NOL4: variants seen among roughly 807,000 people sequenced by gnomAD.
NOL4 encodes the protein nucleolar protein 4.
Under a neutral mutation model 75.9 loss-of-function variants are expected in NOL4, and 17 were observed. That is an observed-to-expected ratio of 0.22 (90% CI 0.15 to 0.34). The LOEUF (loss-of-function observed/expected upper bound fraction) is 0.34, where lower values mean the gene tolerates loss of function less well. Among genes scored for constraint, NOL4 ranks in the 10% least tolerant of loss-of-function variants. The pLI, the probability that NOL4 is intolerant of heterozygous loss-of-function variation, is 1.00. For missense variants in NOL4, 614 were observed against 793.5 expected, an observed-to-expected ratio of 0.77 and a Z score of 2.72; for synonymous variants, 292 against 289.9, an observed-to-expected ratio of 1.01 and a Z score of -0.07.
chr18:33,941,950 T>G (rs564866879), intron 9 of NOL4, among the ~76,000 whole-genome samples: 1 of 152,058 alleles, frequency 6.6e-6, no homozygotes, highest in South Asian at 2.1e-4. Flanking sequence ...CATTCTAAAT[T>G]GACATTTTCA....
At chr18:34,045,514 T>G (rs532642851) in intron 5 of NOL4, among the ~76,000 whole-genome samples, 1 of 152,180 alleles carries the variant, frequency 6.6e-6, no homozygotes, top group South Asian at 2.1e-4. Flanking sequence ...AAAGAACATA[T>G]TCCAGTCTGA....
intron 5 of NOL4, among the ~76,000 whole-genome samples, chr18:34,060,144 G>T (rs11874389): frequency 2.6e-5 from 4 of 152,154 alleles, no homozygotes; most frequent in African/African-American, 9.7e-5. Flanking sequence ...TTAGCAATAA[G>T]TAATTATAAT....
At chr18:33,907,901 A>C (rs754836864) in intron 9 of NOL4, among the ~76,000 whole-genome samples, 2 of 152,210 alleles carry the variant, frequency 1.3e-5, no homozygotes, top group Non-Finnish European at 2.9e-5. Context: ...ATAGGTGTTA[A>C]TGCTGTTTTG....
chr18:34,103,680 A>T (rs1372476703), intron 4 of NOL4, among the ~76,000 whole-genome samples: 13 of 152,054 alleles, frequency 8.5e-5, no homozygotes. Context: ...GCCATGCAAA[A>T]TAGCCTTAGT....
chr18:34,004,495 T>C (rs1386494159), intron 6 of NOL4, among the ~76,000 whole-genome samples: 1 of 152,124 alleles, frequency 6.6e-6, no homozygotes, highest in Non-Finnish European at 1.5e-5. Flanking sequence ...TTTAAAGATA[T>C]TTTTTGTTTT....
intron 5 of NOL4, among the ~76,000 whole-genome samples, chr18:34,088,848 C>A (rs2078370722): frequency 6.6e-6 from 1 of 151,940 alleles, no homozygotes; most frequent in Non-Finnish European, 1.5e-5. Flanking sequence ...ATATTATAAA[C>A]CTAAAAAAGG....
intron 6 of NOL4, among the ~76,000 whole-genome samples, chr18:33,992,638 G>T (rs1337168196): frequency 6.6e-6 from 1 of 151,970 alleles, no homozygotes; most frequent in Non-Finnish European, 1.5e-5. Context: ...CAGTAAGAGG[G>T]CTATCTACCC....
At chr18:33,977,349 C>A (rs1438359642) in intron 6 of NOL4, among the ~76,000 whole-genome samples, 1 of 152,150 alleles carries the variant, frequency 6.6e-6, no homozygotes, top group Non-Finnish European at 1.5e-5. Flanking sequence ...TGGGAGGCAA[C>A]TGAATCATGG....
intron 1 of NOL4, among the ~76,000 whole-genome samples, chr18:34,188,552 A>G (rs2034667803): frequency 6.6e-6 from 1 of 152,200 alleles, no homozygotes; most frequent in East Asian, 1.9e-4. Context: ...ATATTAGCCT[A>G]CAGTTGGGCA....
At chr18:34,218,455 A>G (rs1430699742) in intron 1 of NOL4, among the ~76,000 whole-genome samples, 11 of 152,246 alleles carry the variant, frequency 7.2e-5, no homozygotes, top group Admixed American at 7.2e-4. Context: ...GAACAGGGTC[A>G]TATTTCCTCT....
At chr18:34,205,743 C>A (rs2036079254) in intron 1 of NOL4, among the ~76,000 whole-genome samples, 1 of 152,096 alleles carries the variant, frequency 6.6e-6, no homozygotes, top group East Asian at 1.9e-4. Context: ...ATAACCAAGA[C>A]CCTATCCCCT....
At chr18:34,203,646 A>G (rs2035893823) in intron 1 of NOL4, among the ~76,000 whole-genome samples, 1 of 150,700 alleles carries the variant, frequency 6.6e-6, no homozygotes, top group Non-Finnish European at 1.5e-5. Context: ...GTGGGATTAG[A>G]GAGCTGGAAC....
intron 8 of NOL4, among the ~76,000 whole-genome samples, chr18:33,950,135 T>C (rs1426412856): frequency 6.6e-6 from 1 of 151,958 alleles, no homozygotes; most frequent in African/African-American, 2.4e-5. Flanking sequence ...ATAATTAATA[T>C]CACTACCTAT....
At chr18:34,142,419 T>C (rs2081210053) in intron 1 of NOL4, among the ~76,000 whole-genome samples, 2 of 152,110 alleles carry the variant, frequency 1.3e-5, no homozygotes, top group Admixed American at 1.3e-4. Context: ...TAGCAAAGAA[T>C]TGGAACCAAC....
chr18:33,893,509 G>T (rs567466496), intron 9 of NOL4, among the ~76,000 whole-genome samples: 51 of 152,178 alleles, frequency 3.4e-4, no homozygotes, highest in African/African-American at 1.2e-3. Flanking sequence ...AAGTTTCATT[G>T]ATTCGATTCA....
intron 6 of NOL4, among the ~76,000 whole-genome samples, chr18:33,997,753 C>T (rs2073400782): frequency 6.7e-6 from 1 of 149,294 alleles, no homozygotes; most frequent in Non-Finnish European, 1.5e-5. Flanking sequence ...ATATATACTC[C>T]ATATATGTAG....
chr18:33,914,526 A>T (rs1408697856), intron 9 of NOL4, among the ~76,000 whole-genome samples: 1 of 152,108 alleles, frequency 6.6e-6, no homozygotes, highest in African/African-American at 2.4e-5. Flanking sequence ...GCAACATATA[A>T]ACAACAGACT....
At chr18:34,180,035 A>G (rs977403314) in intron 1 of NOL4, among the ~76,000 whole-genome samples, 5 of 151,608 alleles carry the variant, frequency 3.3e-5, no homozygotes, top group African/African-American at 1.2e-4. Flanking sequence ...ACATGGCTTC[A>G]CTGGTGATTT....
At chr18:33,927,721 TA>T (rs1347671277) in intron 9 of NOL4, among the ~76,000 whole-genome samples, 7 of 151,884 alleles carry the variant, frequency 4.6e-5, no homozygotes, top group Admixed American at 3.3e-4. Context: ...AAAATACAAG[TA>T]AAAAAAAGTA....
Sources: allele counts gnomAD v4.1 joint callset (sites outside exome capture counted in the v4.1 genomes callset), GRCh38; gene constraint gnomAD v4.1.1; transcripts MANE v1.5; gene names NCBI Gene and HGNC (gene_info 2026-07-23, HGNC 2026-07-21).